The following HIVEP3 variants were observed in gnomAD, a reference collection of about 807,000 sequenced individuals.
The protein encoded by HIVEP3 is transcription factor HIVEP3.
In HIVEP3, 49 loss-of-function variants were observed where a neutral mutation model predicts 152.8. The ratio of observed to expected loss-of-function variants is 0.32; its 90% CI spans 0.26 to 0.41. The LOEUF is 0.41. HIVEP3 is among the 10% of genes least tolerant of loss of function. The probability of loss-of-function intolerance (pLI) is 1.00; values close to 1 mark genes in which losing one functional copy is unlikely to be tolerated. For synonymous variants in HIVEP3, 1,269 were observed against 1,289.0 expected, an observed-to-expected ratio of 0.98 and a Z score of 0.33; for missense variants, 2,790 against 3,103.3, an observed-to-expected ratio of 0.90 and a Z score of 2.40.
chr1:41,863,236 T>G (rs527550748), intron 1 of HIVEP3, among the ~76,000 whole-genome samples: 150 of 152,208 alleles, frequency 9.9e-4, no homozygotes, highest in African/African-American at 3.3e-3. Flanking sequence ...GAAAGTAAAC[T>G]GCGTAAGGTG....
intron 1 of HIVEP3, among the ~76,000 whole-genome samples, chr1:41,837,138 G>A (rs528291266): frequency 6.6e-6 from 1 of 151,976 alleles, no homozygotes; most frequent in African/African-American, 2.4e-5. Context: ...GCTTATTCCT[G>A]TCTCAGGAAA....
At chr1:41,531,086 G>A (rs1209284177) in intron 5 of HIVEP3, among the ~76,000 whole-genome samples, 3 of 151,714 alleles carry the variant, frequency 2.0e-5, no homozygotes, top group South Asian at 2.1e-4. Context: ...GGGAGGACAG[G>A]AGAGATGGAG....
At chr1:41,901,402 G>A (rs983567279) in intron 1 of HIVEP3, among the ~76,000 whole-genome samples, 2 of 152,086 alleles carry the variant, frequency 1.3e-5, no homozygotes, top group Admixed American at 6.5e-5. Context: ...ACCAGGGGAC[G>A]TGACACCTTC....
intron 1 of HIVEP3, among the ~76,000 whole-genome samples, chr1:41,762,900 TA>T (rs1046792165): frequency 1.8e-4 from 28 of 152,162 alleles, no homozygotes; most frequent in Non-Finnish European, 7.4e-5. Flanking sequence ...GGGGCTGAGC[TA>T]GGGGAATAGG....
At chr1:41,704,018 A>ACTTAC (rs1646399863) in intron 1 of HIVEP3, among the ~76,000 whole-genome samples, 1 of 152,330 alleles carries the variant, frequency 6.6e-6, no homozygotes, top group East Asian at 1.9e-4. Flanking sequence ...CTAGTTGTAT[A>ACTTAC]CTTACCTCCT....
At chr1:41,683,436 T>C (rs1456995981) in intron 2 of HIVEP3, among the ~76,000 whole-genome samples, 1 of 152,224 alleles carries the variant, frequency 6.6e-6, no homozygotes, top group Non-Finnish European at 1.5e-5. Context: ...CATCCTTGCA[T>C]CTCAGAGCTG....
intron 1 of HIVEP3, among the ~76,000 whole-genome samples, chr1:42,005,401 T>C (rs985264841): frequency 6.6e-6 from 1 of 152,072 alleles, no homozygotes; most frequent in Non-Finnish European, 1.5e-5. Context: ...TGTGTATATA[T>C]ATACACACAT....
At chr1:41,972,589 T>G (rs927915026) in intron 1 of HIVEP3, among the ~76,000 whole-genome samples, 1 of 152,200 alleles carries the variant, frequency 6.6e-6, no homozygotes, top group African/African-American at 2.4e-5. Context: ...CAAGCATCAA[T>G]AAATGCACAT....
chr1:41,712,586 T>C (rs1055375588), intron 1 of HIVEP3, among the ~76,000 whole-genome samples: 2 of 152,130 alleles, frequency 1.3e-5, no homozygotes, highest in Non-Finnish European at 2.9e-5. Context: ...CTTTAGCACA[T>C]GAGATGCGCA....
In HIVEP3 at chr1:41,557,951, C is replaced by T. The variant is rs76085372; in HGVS notation, c.5207+17593G>A. Among the ~76,000 whole-genome samples the T allele has an allele frequency of 1.5e-3, 223 of 152,300 alleles. 3 individuals carry two copies. The East Asian group carries it at 0.026, about 18-fold the overall frequency. On this transcript the variant is annotated intron_variant, in intron 5 of 8. Coordinates refer to ENST00000372583, the MANE Select transcript of HIVEP3 (RefSeq NM_024503.5). ...ACAAGCCCTGCAAGCCTCACAGTGGCCTCACAGTAGTGAGGTAGGCGCTGT... is the reference window on the plus strand; with the variant it reads ...ACAAGCCCTGCAAGCCTCACAGTGGTCTCACAGTAGTGAGGTAGGCGCTGT...
intron 2 of HIVEP3, among the ~76,000 whole-genome samples, chr1:41,696,319 G>T (rs1415813657): frequency 6.6e-6 from 1 of 152,246 alleles, no homozygotes; most frequent in East Asian, 1.9e-4. Context: ...CCCACGGGGC[G>T]CAGCCTGCTG....
intron 1 of HIVEP3, among the ~76,000 whole-genome samples, chr1:41,880,243 G>A (rs1644240247): frequency 6.6e-6 from 1 of 152,062 alleles, no homozygotes; most frequent in East Asian, 1.9e-4. Flanking sequence ...GTCTCCCTAT[G>A]TTGCCCAGGC....
intron 1 of HIVEP3, among the ~76,000 whole-genome samples, chr1:41,735,910 C>T (rs1314891764): frequency 1.3e-5 from 2 of 151,976 alleles, no homozygotes; most frequent in Admixed American, 1.3e-4. Flanking sequence ...GGTGGGGGCT[C>T]TGGGGGAAGA....
upstream of HIVEP3, among the ~76,000 whole-genome samples, chr1:41,922,168 T>C (rs959825713): frequency 3.9e-5 from 6 of 152,174 alleles, no homozygotes; most frequent in African/African-American, 1.2e-4. Flanking sequence ...ACTGAAAGAA[T>C]ACACACTTCC....
intron 3 of HIVEP3, among the ~76,000 whole-genome samples, chr1:41,593,095 C>A (rs1338252892): frequency 6.6e-6 from 1 of 152,216 alleles, no homozygotes; most frequent in Non-Finnish European, 1.5e-5. Flanking sequence ...CAAAGACCAA[C>A]GACAGAACAG....
intron 1 of HIVEP3, among the ~76,000 whole-genome samples, chr1:41,794,041 G>A (rs1008557188): frequency 2.0e-5 from 3 of 152,184 alleles, no homozygotes; most frequent in African/African-American, 4.8e-5. Flanking sequence ...GAGCATCCTT[G>A]TAAGTAATCC....
chr1:41,963,327 A>G (rs930085859), intron 1 of HIVEP3, among the ~76,000 whole-genome samples: 5 of 152,190 alleles, frequency 3.3e-5, no homozygotes, highest in Admixed American at 2.6e-4. Flanking sequence ...TTTTCCAAAC[A>G]TTGCCAATGT....
At chr1:41,527,482 TCACA>T (rs1395901058) in intron 5 of HIVEP3, among the ~76,000 whole-genome samples, 22 of 69,052 alleles carry the variant, frequency 3.2e-4, no homozygotes, top group African/African-American at 1.2e-3. Context: ...ACCTTCATAC[TCACA>T]CACCACCCTC....
At chr1:41,970,710 T>G (rs1645223979) in intron 1 of HIVEP3, among the ~76,000 whole-genome samples, 1 of 152,136 alleles carries the variant, frequency 6.6e-6, no homozygotes, top group Admixed American at 6.5e-5. Context: ...TAAAATTAAA[T>G]GGAAGATGAG....
Sources: allele counts gnomAD v4.1 joint callset (sites outside exome capture counted in the v4.1 genomes callset), GRCh38; gene constraint gnomAD v4.1.1; transcripts MANE v1.5; gene names NCBI Gene and HGNC (gene_info 2026-07-23, HGNC 2026-07-21).